Variants in GRID2IP observed in about 807,000 individuals in gnomAD.
The protein encoded by GRID2IP is delphilin.
Under a neutral mutation model 114.3 loss-of-function variants are expected in GRID2IP, and 78 were observed. The ratio of observed to expected loss-of-function variants is 0.68; its 90% CI spans 0.57 to 0.82. GRID2IP has a LOEUF of 0.82. Ranked by LOEUF, GRID2IP falls within the 40% of genes least tolerant of loss-of-function variation. GRID2IP has a pLI of 0.00. For missense variants in GRID2IP, 1,727 were observed against 1,678.5 expected (o/e 1.03, Z -0.51); for synonymous variants, 809 against 724.0 (o/e 1.12, Z -1.89).
At chr7:6,517,041 T>C (rs1432461506) in intron 7 of GRID2IP, among the ~76,000 whole-genome samples, 1 of 151,844 alleles carries the variant, frequency 6.6e-6, no homozygotes, top group Non-Finnish European at 1.5e-5. Flanking sequence ...TTCTATCTCT[T>C]TGTCTTGTGT....
In GRID2IP at chr7:6,528,176, C is replaced by T. The variant is rs892736893; in HGVS notation, c.585-1407G>A. On this transcript the variant is annotated intron_variant, in intron 2 of 21. Coordinates refer to ENST00000457091, the MANE Select transcript of GRID2IP (RefSeq NM_001145118.2). The surrounding 1 kb of genome is among the most constrained non-coding windows in gnomAD (Gnocchi z 6.0). ...CTTCTCGAAGTGCTGGGATTACAGG[C>T]GTGAGCTACAACACCCAGCCTTGGA... 6.6e-6 allele frequency among the ~76,000 whole-genome samples: 1 copy of T among 152,052 alleles called. No homozygotes were observed. The highest frequency in any genetic ancestry group is 2.4e-5 in the African/African-American group (1 of 41,380).
At chr7:6,518,295 A>T (rs1366853715) in intron 7 of GRID2IP, among the ~76,000 whole-genome samples, 3 of 152,184 alleles carry the variant, frequency 2.0e-5, no homozygotes, top group Non-Finnish European at 4.4e-5. Flanking sequence ...AAAGTCCAAG[A>T]AAACAAAAAT....
intron 8 of GRID2IP, among the ~76,000 whole-genome samples, chr7:6,512,132 G>C (rs549361494): frequency 4.6e-4 from 69 of 150,418 alleles, no homozygotes; most frequent in Admixed American, 8.0e-4. Flanking sequence ...GGACAGGCTG[G>C]TCTTCAACTC....
In GRID2IP at chr7:6,521,725, G is replaced by A. The variant is rs1779415686; in HGVS notation, c.989+163C>T. ...GGCTAGAGTTGGCGACTGGCGAGGA[G>A]GAGGGTTAGATTCAAGAGTTCCCAT... is the stretch of plus-strand genomic sequence containing the variant. On this transcript the variant is annotated intron_variant, in intron 5 of 21. Transcript: ENST00000457091. The surrounding 1 kb of genome is among the most constrained non-coding windows in gnomAD (Gnocchi z 4.1). Among the ~76,000 whole-genome samples, 1 of 152,220 alleles carries A rather than the reference G, an allele frequency of 6.6e-6. No homozygotes were observed. Among genetic ancestry groups the A allele is most frequent in the Non-Finnish European group, 1.5e-5 (1 of 68,040 alleles).
In GRID2IP at chr7:6,503,054, G is replaced by T. The variant is rs1374560296; in HGVS notation, c.3017C>A (p.Ala1006Asp). The T allele has an allele frequency of 6.4e-7, 1 of 1,551,552 alleles. No individual in the cohort carries two copies. The highest frequency in any genetic ancestry group is 8.7e-7 in the Non-Finnish European group (1 of 1,146,970). The stretch of plus-strand genomic sequence containing the variant: ...CCGACTGTTTTTGAGCTCCAGGGAG[G>T]CCTGGCGCAAGCATTCAAGGCTGCC... Reference protein sequence around the residue: ...IRGSLECLRQASLELKNSRKL... With the variant: ...IRGSLECLRQDSLELKNSRKL... Residue 1006 changes from alanine to aspartate, a missense_variant, in exon 17 of 22, where the codon GCC (alanine) becomes GAC (aspartate). By Grantham distance (126) the Ala-to-Asp change is moderately radical (BLOSUM62 -2). Coordinates refer to ENST00000457091, the MANE Select transcript of GRID2IP (RefSeq NM_001145118.2).
rs1449645505 is a variant in GRID2IP at position 6,534,546 on chromosome 7, A to G, written c.584+5172T>C. Among the ~76,000 whole-genome samples the G allele has an allele frequency of 1.3e-5, 2 of 152,188 alleles. No homozygotes were observed. The highest frequency in any genetic ancestry group is 3.8e-4 in the East Asian group (2 of 5,204). ...GACCCATCTCACCCTTTACAGCAGC[A>G]GCGCTGTCCAAGGGAACGTTCTGTG... On this transcript the variant is annotated intron_variant, in intron 2 of 21. Coordinates refer to ENST00000457091, the MANE Select transcript of GRID2IP (RefSeq NM_001145118.2). This position sits in a 1 kb window ranked among gnomAD's most constrained non-coding sequence, Gnocchi z 4.5.
intron 8 of GRID2IP, among the ~76,000 whole-genome samples, chr7:6,514,002 C>T (rs1192552808): frequency 1.3e-5 from 2 of 151,322 alleles, no homozygotes; most frequent in Admixed American, 1.3e-4. Context: ...ACCTGTAATC[C>T]CAGTGCTTTG....
intron 1 of GRID2IP, among the ~76,000 whole-genome samples, chr7:6,548,580 G>C (rs1038636830): frequency 1.3e-5 from 2 of 152,074 alleles, no homozygotes; most frequent in African/African-American, 4.8e-5. Context: ...GCTCACGCCT[G>C]TAATCCCAGC....
At chr7:6,511,901 CTCTT>C (rs1186260042) in intron 8 of GRID2IP, among the ~76,000 whole-genome samples, 3 of 150,422 alleles carry the variant, frequency 2.0e-5, no homozygotes, top group African/African-American at 5.0e-5. Context: ...CTCTCTCTGT[CTCTT>C]TCTCTCTTTC....
chr7:6,511,789 G>T (rs1779172198), intron 8 of GRID2IP, among the ~76,000 whole-genome samples: 1 of 152,126 alleles, frequency 6.6e-6, no homozygotes, highest in Non-Finnish European at 1.5e-5. Flanking sequence ...GCAGCTCATG[G>T]GCACACAAGG....
At chr7:6,538,565 T>TCAAAA (rs1383586263) in intron 2 of GRID2IP, among the ~76,000 whole-genome samples, 10 of 139,806 alleles carry the variant, frequency 7.2e-5, no homozygotes, top group South Asian at 2.3e-4. Context: ...AGACCCTGTC[T>TCAAAA]CAAAACAAAA....
intron 7 of GRID2IP, among the ~76,000 whole-genome samples, chr7:6,518,126 G>T (rs915251663): frequency 6.6e-6 from 1 of 151,618 alleles, no homozygotes; most frequent in African/African-American, 2.4e-5. Flanking sequence ...ACTACCTGGG[G>T]GGCAGAGGCA....
In GRID2IP at chr7:6,526,312, G is replaced by T; in HGVS notation, c.834-3C>A. The T allele has an allele frequency of 6.4e-7, 1 of 1,551,486 alleles. No homozygotes were observed. Among genetic ancestry groups the T allele is most frequent in the Non-Finnish European group, 8.7e-7 (1 of 1,146,724 alleles). ...TGCCTTTGTAGACTCGGACAGTCCT[G>T]GGGGAAAAAGAAGGGGCGAGCAGCA... On this transcript the variant is annotated splice_polypyrimidine_tract_variant and splice_region_variant and intron_variant, in intron 3 of 21. Transcript: ENST00000457091. This position sits in a 1 kb window ranked among gnomAD's most constrained non-coding sequence, Gnocchi z 7.6.
Position 6,509,110 on chromosome 7 carries a change from T to TG in GRID2IP, c.1974dup (p.Thr659HisfsTer22). ...AGCTTCCTGCGGCTGGGCGGGCGGGTGGGGTCCGGGCTTGGGGGGCTGTCG... is the reference window on the plus strand; with the variant it reads ...AGCTTCCTGCGGCTGGGCGGGCGGGTGGGGGTCCGGGCTTGGGGGGCTGTCG... On this transcript the variant is annotated frameshift_variant, in exon 12 of 22. Coordinates refer to ENST00000457091, the MANE Select transcript of GRID2IP (RefSeq NM_001145118.2). LOFTEE classifies it high-confidence loss of function. This position sits in a 1 kb window ranked among gnomAD's most constrained non-coding sequence, Gnocchi z 4.9. 2 of 303,656 alleles carry TG rather than the reference T, an allele frequency of 6.6e-6. No individual in the cohort carries two copies. The highest frequency in any genetic ancestry group is 1.2e-4 in the East Asian group (1 of 8,578). The allele number at this position is 303,656 out of a possible 1,614,324, so 18.8% of individuals were successfully genotyped here. A position where few individuals can be genotyped will look rare whatever the true frequency, so the allele number is the denominator to read the frequency against.
In GRID2IP at chr7:6,526,541, G is replaced by C; in HGVS notation, c.813C>G (p.Ala271=). The change falls in exon 3 of 22, where the codon GCC becomes GCG. Residue 271 remains alanine (A), a synonymous_variant. Coordinates refer to ENST00000457091, the MANE Select transcript of GRID2IP (RefSeq NM_001145118.2). This position sits in a 1 kb window ranked among gnomAD's most constrained non-coding sequence, Gnocchi z 7.6. ...RRASLLVGGL[A]GPGGARRTVR... ...CGTACCTGCGCGCGCCCCCGGGGCC[G>C]GCGAGGCCGCCCACCAGCAAGGAGG... The C allele has an allele frequency of 1.6e-6, 2 of 1,226,164 alleles. No individual in the cohort carries two copies. Among genetic ancestry groups the C allele is most frequent in the Non-Finnish European group, 2.0e-6 (2 of 984,260 alleles). The allele number at this position is 1,226,164 out of a possible 1,614,324, so 76.0% of individuals were successfully genotyped here. A position where few individuals can be genotyped will look rare whatever the true frequency, so the allele number is the denominator to read the frequency against.
rs906263307 is a variant in GRID2IP, at chr7:6,507,599, A to G, written c.2544+386T>C. On this transcript the variant is annotated intron_variant, in intron 13 of 21. Transcript: ENST00000457091. This position sits in a 1 kb window ranked among gnomAD's most constrained non-coding sequence, Gnocchi z 5.3. The stretch of plus-strand genomic sequence containing the variant: ...AGTTCCCCACCACTGAAGGTGTTCA[A>G]GCATACACTGCCAGTGTTGTGAGGG... 6.6e-6 allele frequency among the ~76,000 whole-genome samples: 1 copy of G among 152,250 alleles called. No individual in the cohort carries two copies. The highest frequency in any genetic ancestry group is 1.5e-5 in the Non-Finnish European group (1 of 68,046).
intron 7 of GRID2IP, among the ~76,000 whole-genome samples, chr7:6,515,980 C>A (rs570193754): frequency 3.0e-4 from 46 of 151,670 alleles, no homozygotes; most frequent in Middle Eastern, 3.2e-3. Flanking sequence ...GCCTGTAATC[C>A]CAGCTACTCG....
intron 1 of GRID2IP, among the ~76,000 whole-genome samples, chr7:6,548,104 C>A (rs1362044640): frequency 6.6e-6 from 1 of 152,166 alleles, no homozygotes; most frequent in Non-Finnish European, 1.5e-5. Flanking sequence ...GTAATTCCAG[C>A]ACTTTTGGAA....
At position 6,523,248 on chromosome 7, in the gene GRID2IP, T is replaced by G. The variant is rs376493226; in HGVS notation, c.920-1291A>C. The stretch of plus-strand genomic sequence containing the variant: ...ACTGTCCAGAGAAGAGAGGGAACAA[T>G]TAGGGAAGACTTCCCGGGAGAGGCG... On this transcript the variant is annotated intron_variant, in intron 4 of 21. Transcript: ENST00000457091. This position sits in a 1 kb window ranked among gnomAD's most constrained non-coding sequence, Gnocchi z 4.5. 1.3e-5 allele frequency among the ~76,000 whole-genome samples: 2 copies of G among 152,234 alleles called. No individual in the cohort carries two copies. The highest frequency in any genetic ancestry group is 4.8e-5 in the African/African-American group (2 of 41,562).
Sources: allele counts gnomAD v4.1 joint callset (sites outside exome capture counted in the v4.1 genomes callset), GRCh38; gene constraint gnomAD v4.1.1; non-coding constraint Gnocchi (gnomAD v3.1); transcripts MANE v1.5; gene names NCBI Gene and HGNC (gene_info 2026-07-23, HGNC 2026-07-21).